GNAS: variants seen among roughly 807,000 people sequenced by gnomAD.
GNAS encodes the protein GNAS complex locus, also known as protein ALEX.
In GNAS, 8 loss-of-function variants were observed where a neutral mutation model predicts 54.5. That is an observed-to-expected ratio of 0.15 (90% CI 0.09 to 0.26). The LOEUF is 0.26. Among genes scored for constraint, GNAS ranks in the 10% least tolerant of loss-of-function variants. The pLI is 1.00. For synonymous variants in GNAS, 204 were observed against 191.4 expected (o/e 1.07, Z -0.54); for missense variants, 170 against 529.8 (o/e 0.32, Z 6.67).
intron 1 of GNAS, chr20:58,854,062 T>C: frequency 6.2e-7 from 1 of 1,611,068 alleles, no homozygotes; most frequent in Non-Finnish European, 8.5e-7. Context: ...GCGGTCCGCC[T>C]CACTCCCGCC....
chr20:58,883,814 G>A lies in GNAS; in HGVS notation c.44-11798G>A, dbSNP rs1252394097. 2.0e-5 allele frequency among the ~76,000 whole-genome samples: 3 copies of A among 152,190 alleles called. No homozygotes were observed. The East Asian group carries it at 5.8e-4, about 29-fold the overall frequency. ...AGAGTTAGAGCCTGTACGAAAAGAG[G>A]GGGCAGCCCTCCTCATTGGGAGCTG... On this transcript the variant is annotated intron_variant, in intron 1 of 12. Coordinates refer to the GNAS transcript ENST00000306090.
chr20:58,902,725 CT>C (rs60022134), intron 3 of GNAS, among the ~76,000 whole-genome samples: 2,490 of 69,168 alleles, frequency 0.036, 12 homozygotes, highest in African/African-American at 0.097. Flanking sequence ...GCACATACGA[CT>C]TTTTTTTTTT....
At chr20:58,852,287 G>C (rs567534013) in intron 1 of GNAS, among the ~76,000 whole-genome samples, 4 of 152,176 alleles carry the variant, frequency 2.6e-5, no homozygotes, top group Non-Finnish European at 4.4e-5. Flanking sequence ...GTGCTTTACC[G>C]GAGCCAACCT....
intron 1 of GNAS, among the ~76,000 whole-genome samples, chr20:58,868,543 T>C (rs1320708001): frequency 2.1e-5 from 3 of 143,392 alleles, no homozygotes; most frequent in African/African-American, 8.2e-5. Context: ...GGGCATCTGC[T>C]CGCCACAAGA....
chr20:58,853,373 A>G lies in GNAS; in HGVS notation c.43+12487A>G. ...AACCACCTTTGGAGGCCCCAGGGGC[A>G]GCTGCCCCCGGTGCTGGGCCTAGCC... is the stretch of plus-strand genomic sequence containing the variant. On this transcript the variant is annotated intron_variant, in intron 1 of 12. Coordinates refer to the GNAS transcript ENST00000306090. The surrounding 1 kb of genome is among the most constrained non-coding windows in gnomAD (Gnocchi z 4.4). 1 of 1,555,930 alleles carries G rather than the reference A, an allele frequency of 6.4e-7. No homozygotes were observed. The highest frequency in any genetic ancestry group is 8.7e-7 in the Non-Finnish European group (1 of 1,150,144).
In GNAS at chr20:58,909,951, A is replaced by G. The variant is rs1234954414; in HGVS notation, c.840A>G (p.Arg280=). 6.2e-6 allele frequency: 10 copies of G among 1,614,146 alleles called. No individual in the cohort carries two copies. The highest frequency in any genetic ancestry group is 2.2e-5 in the East Asian group (1 of 44,884). ...ATTCACACGGCCTCCCTTCTTGTAG[A>G]TGGCTGCGCACCATCTCTGTGATCC... ...LNLFKSIWNN[R]WLRTISVILF... The change falls in exon 11 of 13, where the codon AGA becomes AGG. Residue 280 remains arginine, a splice_region_variant and synonymous_variant. Coordinates refer to ENST00000371085, the MANE Select transcript of GNAS (RefSeq NM_000516.7). The surrounding 1 kb of genome is among the most constrained non-coding windows in gnomAD (Gnocchi z 7.3).
intron 1 of GNAS, chr20:58,854,448 G>A (rs1169381899): frequency 6.3e-7 from 1 of 1,576,010 alleles, no homozygotes; most frequent in African/African-American, 1.4e-5. Flanking sequence ...TGCCAGGGCA[G>A]CCCCTGCAGC....
Position 58,909,287 on chromosome 20 carries a change from A to C in GNAS, c.586-63A>C, listed in dbSNP as rs1270906991. 6.3e-7 allele frequency: 1 copy of C among 1,584,290 alleles called. No homozygotes were observed. Among genetic ancestry groups the C allele is most frequent in the African/African-American group, 1.3e-5 (1 of 74,242 alleles). On this transcript the variant is annotated intron_variant, in intron 7 of 12. Transcript: ENST00000371085. The surrounding 1 kb of genome is among the most constrained non-coding windows in gnomAD (Gnocchi z 7.3). ...AAACTACTCCAGACCTTTGCTTTAG[A>C]TTGGCAATTATTACTGTTTCGGTTG...
In GNAS at chr20:58,841,433, G is replaced by A; in HGVS notation, c.43+547G>A. 1 of 991,454 alleles carries A rather than the reference G, an allele frequency of 1.0e-6. No homozygotes were observed. The highest frequency in any genetic ancestry group is 1.2e-6 in the Non-Finnish European group (1 of 833,808). The allele number at this position is 991,454 out of a possible 1,614,324, so 61.4% of individuals were successfully genotyped here. On this transcript the variant is annotated intron_variant, in intron 1 of 12. Transcript: ENST00000306090. This position sits in a 1 kb window ranked among gnomAD's most constrained non-coding sequence, Gnocchi z 5.0. Reference sequence around the variant, plus strand: ...CTCTAGAGACTGACCACCCGGGAGGGAAGTCACGCGCGCGCGGCGCCTAAG... The same window carrying A: ...CTCTAGAGACTGACCACCCGGGAGGAAAGTCACGCGCGCGCGGCGCCTAAG...
At chr20:58,850,668 C>A (rs1241610969) in intron 1 of GNAS, 1 of 399,148 alleles carries the variant, frequency 2.5e-6, no homozygotes, top group Non-Finnish European at 4.4e-6. Flanking sequence ...CTCACCTTGC[C>A]CGGCAGTGGC....
At position 58,857,752 on chromosome 20, in the gene GNAS, G is replaced by A. The variant is rs917384854; in HGVS notation, c.43+16866G>A. 6.6e-6 allele frequency among the ~76,000 whole-genome samples: 1 copy of A among 152,190 alleles called. No homozygotes were observed. Among genetic ancestry groups the A allele is most frequent in the African/African-American group, 2.4e-5 (1 of 41,432 alleles). On this transcript the variant is annotated intron_variant, in intron 1 of 12. Coordinates refer to the GNAS transcript ENST00000306090. This position sits in a 1 kb window ranked among gnomAD's most constrained non-coding sequence, Gnocchi z 4.1. ...GCAGCCATCAATCCTGCAGCAAACT[G>A]TCCATGTTTGGGACCAGTCTTAAGA...
intron 3 of GNAS, 122 bp from the exon 4 acceptor site, chr20:58,903,409 C>G (rs927524321): frequency 8.0e-6 from 7 of 872,226 alleles, no homozygotes; most frequent in Non-Finnish European, 1.3e-5. Context: ...TGCACAGATC[C>G]GAACCCACAA....
At chr20:58,871,739 A>C (rs530851838) in intron 1 of GNAS, among the ~76,000 whole-genome samples, 1 of 151,198 alleles carries the variant, frequency 6.6e-6, no homozygotes, top group East Asian at 1.9e-4. Context: ...AGGGAGGGGG[A>C]GAAAAGAAAA....
chr20:58,893,170 A>C (rs2089680801), intron 1 of GNAS, among the ~76,000 whole-genome samples: 3 of 145,852 alleles, frequency 2.1e-5, no homozygotes, highest in South Asian at 4.4e-4. Context: ...AAAAGACATT[A>C]ATTAGTTGTT....
At chr20:58,842,468 G>C (rs1439853251) in intron 1 of GNAS, 1 of 398,514 alleles carries the variant, frequency 2.5e-6, no homozygotes, top group East Asian at 3.6e-5. Flanking sequence ...TATTCCGTAG[G>C]AAAGGCGTCG....
intron 1 of GNAS, among the ~76,000 whole-genome samples, chr20:58,872,318 G>T (rs779456911): frequency 6.6e-6 from 1 of 151,796 alleles, no homozygotes; most frequent in Non-Finnish European, 1.5e-5. Context: ...GTTTTAGAAA[G>T]TCTGGCACAC....
At chr20:58,907,782 C>G (rs997673665) in intron 6 of GNAS, among the ~76,000 whole-genome samples, 2 of 152,260 alleles carry the variant, frequency 1.3e-5, no homozygotes, top group Non-Finnish European at 2.9e-5. Flanking sequence ...TCACCCGTGG[C>G]TCAAACAGCC....
chr20:58,890,272 CCGCCGA>C (rs2089037880), upstream of GNAS, among the ~76,000 whole-genome samples: 7 of 150,942 alleles, frequency 4.6e-5, no homozygotes, highest in African/African-American at 1.7e-4. Flanking sequence ...GCCGCGGCCG[CCGCCGA>C]CGACGACGAG....
intron 1 of GNAS, among the ~76,000 whole-genome samples, chr20:58,858,939 C>T (rs918511402): frequency 1.3e-5 from 2 of 152,136 alleles, no homozygotes; most frequent in Non-Finnish European, 2.9e-5. Flanking sequence ...TTTCAGTCTC[C>T]TAGTAAGATT....
Sources: gnomAD v4.1 joint callset for allele counts (sites outside exome capture counted in the v4.1 genomes callset) on GRCh38, gnomAD v4.1.1 for gene constraint, Gnocchi (gnomAD v3.1) non-coding constraint, MANE v1.5 for transcripts, NCBI Gene and HGNC (gene_info 2026-07-23, HGNC 2026-07-21) for gene names.